GNA12: variants seen among roughly 807,000 people sequenced by gnomAD.
GNA12 encodes the protein guanine nucleotide-binding protein subunit alpha-12.
Under a neutral mutation model 26.0 loss-of-function variants are expected in GNA12, and 9 were observed. The ratio of observed to expected loss-of-function variants is 0.35; its 90% confidence interval spans 0.21 to 0.60. The LOEUF (loss-of-function observed/expected upper bound fraction) is 0.60. Among genes scored for constraint, GNA12 ranks in the 20% least tolerant of loss-of-function variants. The pLI is 0.78. For missense variants in GNA12, 405 were observed against 525.8 expected, an observed-to-expected ratio of 0.77 and a Z score of 2.25; for synonymous variants, 264 against 219.6, an observed-to-expected ratio of 1.20 and a Z score of -1.79.
Position 2,751,595 on chromosome 7 carries a change from C to T in GNA12, c.526-18094G>A, listed in dbSNP as rs1205408518. Among the ~76,000 whole-genome samples, 3 of 151,988 alleles carry T rather than the reference C, an allele frequency of 2.0e-5. No homozygotes were observed. The East Asian group carries it at 5.8e-4, about 29-fold the overall frequency. ...CAATTAACAAGGCCAAATGTTGGTTCTTTAAAAATGTCAACAGAACTGATA... is the reference window on the plus strand; with the variant it reads ...CAATTAACAAGGCCAAATGTTGGTTTTTTAAAAATGTCAACAGAACTGATA... On this transcript the variant is annotated intron_variant, in intron 2 of 3. Coordinates refer to ENST00000275364, the MANE Select transcript of GNA12 (RefSeq NM_007353.3).
chr7:2,768,691 A>AAAAAAAAAAAAAAAAAAAC (rs1562418608), intron 2 of GNA12, among the ~76,000 whole-genome samples: 1 of 142,588 alleles, frequency 7.0e-6, no homozygotes, highest in African/African-American at 2.6e-5. Flanking sequence ...ACAAAACAAA[A>AAAAAAAAAAAAAAAAAAAC]AAAAAAACAG....
chr7:2,744,331 A>G (rs180942174), intron 2 of GNA12, among the ~76,000 whole-genome samples: 1,877 of 152,254 alleles, frequency 0.012, 51 homozygotes, highest in African/African-American at 0.043. Context: ...CTTCCAGAGG[A>G]ACGATCAGGC....
intron 1 of GNA12, among the ~76,000 whole-genome samples, chr7:2,796,721 G>C (rs757787): frequency 6.6e-6 from 1 of 152,038 alleles, no homozygotes; most frequent in African/African-American, 2.4e-5. Flanking sequence ...CATTGTTAAA[G>C]ATAAAGTTAA....
intron 1 of GNA12, among the ~76,000 whole-genome samples, chr7:2,820,763 G>T (rs1479051245): frequency 6.6e-6 from 1 of 152,104 alleles, no homozygotes; most frequent in East Asian, 1.9e-4. Flanking sequence ...TTAGAGACAG[G>T]ATCTCACTCT....
intron 1 of GNA12, among the ~76,000 whole-genome samples, chr7:2,813,287 T>C (rs981619448): frequency 2.6e-5 from 4 of 152,242 alleles, no homozygotes; most frequent in Non-Finnish European, 5.9e-5. Flanking sequence ...TTTATGAGCT[T>C]TGAGGAAACC....
intron 1 of GNA12, among the ~76,000 whole-genome samples, chr7:2,842,001 T>TAGAA (rs1779001328): frequency 1.0e-5 from 1 of 95,794 alleles, no homozygotes. Context: ...GGTAGAGAGG[T>TAGAA]AGGGAGGGAG....
chr7:2,822,440 C>T (rs928665241), intron 1 of GNA12, among the ~76,000 whole-genome samples: 20 of 152,210 alleles, frequency 1.3e-4, no homozygotes, highest in Non-Finnish European at 2.9e-4. Flanking sequence ...GTCCCCTTCT[C>T]AAACCCTGAT....
intron 1 of GNA12, among the ~76,000 whole-genome samples, chr7:2,834,964 T>C (rs1050768216): frequency 6.6e-6 from 1 of 151,584 alleles, no homozygotes; most frequent in Non-Finnish European, 1.5e-5. Flanking sequence ...TGCATCGCGA[T>C]GCATGACTAT....
At chr7:2,737,720 C>A (rs371816190) in intron 2 of GNA12, among the ~76,000 whole-genome samples, 1 of 152,144 alleles carries the variant, frequency 6.6e-6, no homozygotes, top group Non-Finnish European at 1.5e-5. Flanking sequence ...CTCACTTCAA[C>A]GTGACAAATT....
chr7:2,763,204 A>C (rs1009152633), intron 2 of GNA12: 3 of 208,460 alleles, frequency 1.4e-5, no homozygotes, highest in African/African-American at 8.9e-5. Context: ...ACACACACAC[A>C]CACACACACA....
intron 2 of GNA12, among the ~76,000 whole-genome samples, chr7:2,780,850 C>T (rs1792209121): frequency 1.3e-5 from 2 of 152,166 alleles, no homozygotes; most frequent in African/African-American, 2.4e-5. Context: ...CATTTACATA[C>T]ATGGCTTTTC....
chr7:2,827,293 T>C (rs944947325), intron 1 of GNA12, among the ~76,000 whole-genome samples: 1 of 151,996 alleles, frequency 6.6e-6, no homozygotes, highest in Non-Finnish European at 1.5e-5. Context: ...GATTGGAACG[T>C]TTTGGAATTT....
intron 2 of GNA12, among the ~76,000 whole-genome samples, chr7:2,745,332 T>A (rs1454811654): frequency 6.6e-6 from 1 of 152,328 alleles, no homozygotes; most frequent in East Asian, 1.9e-4. Context: ...TGGCAGAAAC[T>A]CTGCAAGCCA....
chr7:2,801,102 C>T (rs959880256), intron 1 of GNA12, among the ~76,000 whole-genome samples: 2 of 152,168 alleles, frequency 1.3e-5, no homozygotes, highest in South Asian at 2.1e-4. Context: ...CAGGCAGATG[C>T]GGCCCAGCCT....
intron 1 of GNA12, among the ~76,000 whole-genome samples, chr7:2,803,207 A>ACCT (rs963440522): frequency 6.6e-6 from 1 of 152,246 alleles, no homozygotes; most frequent in Non-Finnish European, 1.5e-5. Context: ...GATGCAGAGT[A>ACCT]CAGAGGCCAG....
chr7:2,815,030 C>A, intron 1 of GNA12: 1 of 1,507,000 alleles, frequency 6.6e-7, no homozygotes, highest in Non-Finnish European at 8.9e-7. Context: ...CCAATCCAGT[C>A]CCCTGTCAAA....
At chr7:2,781,412 C>CTGTGTGTGTGTG (rs58348546) in intron 2 of GNA12, among the ~76,000 whole-genome samples, 9,550 of 143,610 alleles carry the variant, frequency 0.066, 463 homozygotes, top group Non-Finnish European at 0.096. Flanking sequence ...AAGTAAGTGT[C>CTGTGTGTGTGTG]TGTGTGTGTG....
intron 1 of GNA12, among the ~76,000 whole-genome samples, chr7:2,796,792 T>C (rs1228841730): frequency 1.3e-5 from 2 of 152,310 alleles, no homozygotes; most frequent in East Asian, 3.9e-4. Context: ...ATAACTAACA[T>C]AGTATTAGGG....
intron 2 of GNA12, among the ~76,000 whole-genome samples, chr7:2,759,550 T>C (rs798492): frequency 0.41 from 62,605 of 152,090 alleles, 13,155 homozygotes; most frequent in Admixed American, 0.47. Flanking sequence ...AGCCAAATAC[T>C]AGAATAGTGG....
Sources: gnomAD v4.1 joint callset for allele counts (sites outside exome capture counted in the v4.1 genomes callset) on GRCh38, gnomAD v4.1.1 for gene constraint, MANE v1.5 for transcripts, NCBI Gene and HGNC (gene_info 2026-07-23, HGNC 2026-07-21) for gene names.